Variants in GRID2 observed in about 807,000 individuals in gnomAD.
GRID2 encodes the protein glutamate receptor ionotropic, delta-2.
A neutral mutation model predicts 114.8 loss-of-function variants in GRID2; 33 were observed. The ratio of observed to expected loss-of-function variants is 0.29; its 90% CI spans 0.22 to 0.38. GRID2 has a LOEUF of 0.38. Among genes scored for constraint, GRID2 ranks in the 10% least tolerant of loss-of-function variants. The probability of loss-of-function intolerance (pLI) is 1.00; values close to 1 mark genes in which losing one functional copy is unlikely to be tolerated. For synonymous variants in GRID2, 505 were observed against 449.9 expected, an observed-to-expected ratio of 1.12 and a Z score of -1.55; for missense variants, 1,184 against 1,257.7, an observed-to-expected ratio of 0.94 and a Z score of 0.89.
intron 13 of GRID2, among the ~76,000 whole-genome samples, chr4:93,521,032 G>T (rs1730287985): frequency 6.6e-6 from 1 of 152,066 alleles, no homozygotes; most frequent in Non-Finnish European, 1.5e-5. Context: ...GATGAGAAGG[G>T]ATTAAATTTA....
intron 1 of GRID2, among the ~76,000 whole-genome samples, chr4:92,454,311 A>G (rs930767649): frequency 3.3e-5 from 5 of 152,188 alleles, no homozygotes; most frequent in South Asian, 2.1e-4. Context: ...AAAGTACTTA[A>G]CTATATGAAA....
chr4:92,784,310 A>G (rs955482941), intron 2 of GRID2, among the ~76,000 whole-genome samples: 1 of 151,992 alleles, frequency 6.6e-6, no homozygotes, highest in Non-Finnish European at 1.5e-5. Flanking sequence ...TATTATTTTA[A>G]CAAAGACTGG....
At chr4:92,521,600 T>A (rs543495906) in intron 1 of GRID2, among the ~76,000 whole-genome samples, 1 of 152,128 alleles carries the variant, frequency 6.6e-6, no homozygotes, top group Non-Finnish European at 1.5e-5. Flanking sequence ...AAATATTATA[T>A]AAATTGGCAA....
intron 8 of GRID2, among the ~76,000 whole-genome samples, chr4:93,279,115 C>CT (rs1561078267): frequency 1.3e-5 from 2 of 151,746 alleles, no homozygotes; most frequent in East Asian, 3.9e-4. Context: ...AAGTACTGCA[C>CT]TTTAGTTACA....
intron 8 of GRID2, among the ~76,000 whole-genome samples, chr4:93,376,443 G>GAA (rs549382151): frequency 6.9e-6 from 1 of 144,740 alleles, no homozygotes; most frequent in Non-Finnish European, 1.5e-5. Flanking sequence ...GGAAACTACA[G>GAA]AAAAAAAAAA....
At chr4:93,144,316 T>C (rs2149389310) in intron 4 of GRID2, among the ~76,000 whole-genome samples, 1 of 152,344 alleles carries the variant, frequency 6.6e-6, no homozygotes, top group South Asian at 2.1e-4. Context: ...CATAAGCTCA[T>C]TATGTGTTGT....
At chr4:93,650,073 C>T (rs1722452953) in intron 14 of GRID2, among the ~76,000 whole-genome samples, 1 of 152,052 alleles carries the variant, frequency 6.6e-6, no homozygotes, top group Non-Finnish European at 1.5e-5. Context: ...CTGTGAGGGC[C>T]TTGATTCCTA....
intron 2 of GRID2, among the ~76,000 whole-genome samples, chr4:92,874,588 G>A (rs756580112): frequency 6.6e-6 from 1 of 152,114 alleles, no homozygotes; most frequent in Non-Finnish European, 1.5e-5. Flanking sequence ...TTTTGAAAGC[G>A]AAGTATTAGA....
intron 10 of GRID2, among the ~76,000 whole-genome samples, chr4:93,433,555 G>T (rs147186689): frequency 2.6e-4 from 39 of 152,212 alleles, no homozygotes; most frequent in Admixed American, 1.3e-3. Context: ...CGCCATGTCA[G>T]CTCAAAACAA....
At chr4:92,390,180 T>G (rs1180221259) in intron 1 of GRID2, among the ~76,000 whole-genome samples, 1 of 152,104 alleles carries the variant, frequency 6.6e-6, no homozygotes, top group Non-Finnish European at 1.5e-5. Flanking sequence ...AAACATTAAT[T>G]AAGTGCATAC....
intron 2 of GRID2, among the ~76,000 whole-genome samples, chr4:92,943,769 A>AT (rs1462190998): frequency 5.3e-5 from 8 of 151,894 alleles, no homozygotes; most frequent in Non-Finnish European, 1.0e-4. Flanking sequence ...TGTGGATGTC[A>AT]TTTTTGTTTG....
At chr4:92,408,431 C>CTTTTTTTTTTTTTTTTTTTTT (rs35638036) in intron 1 of GRID2, among the ~76,000 whole-genome samples, 6 of 19,424 alleles carry the variant, frequency 3.1e-4, no homozygotes, top group African/African-American at 4.8e-4. Flanking sequence ...TATTCAAGCT[C>CTTTTTTTTTTTTTTTTTTTTT]TTTTTTTTTT....
At chr4:93,137,966 G>GTTTTTTTTTT (rs753814961) in intron 4 of GRID2, among the ~76,000 whole-genome samples, 24 of 78,400 alleles carry the variant, frequency 3.1e-4, no homozygotes, top group East Asian at 4.2e-4. Context: ...TTTTTTCTTC[G>GTTTTTTTTTT]TTTTTTTTTT....
At chr4:93,727,104 A>T (rs1387661093) in intron 14 of GRID2, among the ~76,000 whole-genome samples, 1 of 152,156 alleles carries the variant, frequency 6.6e-6, no homozygotes, top group Admixed American at 6.5e-5. Context: ...CCCATTCAGT[A>T]TGATATTGGC....
Position 92,660,390 on chromosome 4 carries a change from A to T in GRID2, c.244+70104A>T, listed in dbSNP as rs570893591. 2.0e-5 allele frequency among the ~76,000 whole-genome samples: 3 copies of T among 151,452 alleles called. No individual in the cohort carries two copies. The South Asian group carries it at 6.2e-4, about 31-fold the overall frequency. On this transcript the variant is annotated intron_variant, in intron 2 of 15. Coordinates refer to ENST00000282020, the MANE Select transcript of GRID2 (RefSeq NM_001510.4). ...GCTGGTTCCAGTTTACAAACTGTCC[A>T]AAACGATGACTAAGAGAAGGTTCAA...
rs942397247 is a variant in GRID2 at position 93,354,680 on chromosome 4, G to C, written c.1246-40927G>C. On this transcript the variant is annotated intron_variant, in intron 8 of 15. Transcript: ENST00000282020. ...CCTGGGGTGGCTCATCCGTGTGTGT[G>C]TGTGTGTGTGTGTGTGTGTGTGTGT... 2.5e-5 allele frequency among the ~76,000 whole-genome samples: 3 copies of C among 122,250 alleles called. No individual in the cohort carries two copies. In the South Asian group the frequency reaches 7.7e-4, roughly 32 times the overall value. The allele number at this position is 122,250 out of a possible 152,430, so 80.2% of individuals were successfully genotyped here.
intron 10 of GRID2, among the ~76,000 whole-genome samples, chr4:93,426,966 G>T (rs903478677): frequency 1.3e-5 from 2 of 151,974 alleles, no homozygotes; most frequent in South Asian, 4.1e-4. Flanking sequence ...AAAAGACTTA[G>T]TTGGAGTAGA....
chr4:93,245,376 A>G (rs1748084590), intron 8 of GRID2, among the ~76,000 whole-genome samples: 1 of 152,244 alleles, frequency 6.6e-6, no homozygotes. Flanking sequence ...TGGGTGTTAC[A>G]CTCTTTATCC....
intron 3 of GRID2, among the ~76,000 whole-genome samples, chr4:93,090,482 A>G (rs552300397): frequency 6.6e-6 from 1 of 152,268 alleles, no homozygotes; most frequent in Non-Finnish European, 1.5e-5. Context: ...ACCTGAATGA[A>G]TTCCAGAGCT....
Sources: gnomAD v4.1 joint callset for allele counts (sites outside exome capture counted in the v4.1 genomes callset) on GRCh38, gnomAD v4.1.1 for gene constraint, MANE v1.5 for transcripts, NCBI Gene and HGNC (gene_info 2026-07-23, HGNC 2026-07-21) for gene names.